CMIP: variants seen among roughly 807,000 people sequenced by gnomAD.
The protein encoded by CMIP is c-Maf inducing protein, also known as C-Maf-inducing protein.
In CMIP, 13 loss-of-function variants were observed where a neutral mutation model predicts 97.3. The observed-to-expected ratio is 0.13, with a 90% CI of 0.09 to 0.21. The LOEUF (loss-of-function observed/expected upper bound fraction) is 0.21, where lower values mean the gene tolerates loss of function less well. Among genes scored for constraint, CMIP ranks in the 10% least tolerant of loss-of-function variants. The pLI is 1.00. For missense variants in CMIP, 847 were observed against 1,024.9 expected (o/e 0.83, Z 2.37); for synonymous variants, 538 against 436.3 (o/e 1.23, Z -2.91).
At chr16:81,564,572 G>A (rs1424770717) in intron 1 of CMIP, among the ~76,000 whole-genome samples, 2 of 152,222 alleles carry the variant, frequency 1.3e-5, no homozygotes, top group Non-Finnish European at 2.9e-5. Flanking sequence ...GCAGCCGGGA[G>A]CCAGGAGTTC....
chr16:81,529,798 G>T (rs1016851330), intron 1 of CMIP, among the ~76,000 whole-genome samples: 1 of 152,188 alleles, frequency 6.6e-6, no homozygotes. Flanking sequence ...CTTGGAGAAC[G>T]GGCAAGGATA....
chr16:81,515,577 G>T (rs1049148469), intron 1 of CMIP, among the ~76,000 whole-genome samples: 30 of 152,316 alleles, frequency 2.0e-4, no homozygotes, highest in Middle Eastern at 3.4e-3. Context: ...ATCGTTAAGT[G>T]GCCATCAGGA....
intron 1 of CMIP, among the ~76,000 whole-genome samples, chr16:81,566,702 A>T (rs1597096143): frequency 6.6e-6 from 1 of 152,346 alleles, no homozygotes; most frequent in African/African-American, 2.4e-5. Context: ...CATAAACAAG[A>T]ATATTCAGAG....
At chr16:81,669,211 A>G (rs1276985209) in intron 7 of CMIP, among the ~76,000 whole-genome samples, 1 of 75,898 alleles carries the variant, frequency 1.3e-5, no homozygotes, top group African/African-American at 5.6e-5. Flanking sequence ...CATCTCTCAC[A>G]CTCACCTTCC....
rs369528748 is a variant in CMIP, at chr16:81,706,999, C to T, written c.2198-15C>T. The T allele has an allele frequency of 5.1e-5, 82 of 1,612,742 alleles. 2 individuals are homozygous for T. In the Middle Eastern group the frequency reaches 6.3e-3, roughly 123 times the overall value. ...GGCCTCGCTCTCCTAACAACTGTAT[C>T]TGTCTCTTGTGCAGCCATGAAGAGT... is the stretch of plus-strand genomic sequence containing the variant. On this transcript the variant is annotated splice_polypyrimidine_tract_variant and intron_variant, in intron 19 of 20. Coordinates refer to ENST00000537098, the MANE Select transcript of CMIP (RefSeq NM_198390.3).
At chr16:81,552,139 G>A (rs2090671609) in intron 1 of CMIP, among the ~76,000 whole-genome samples, 1 of 152,144 alleles carries the variant, frequency 6.6e-6, no homozygotes, top group African/African-American at 2.4e-5. Flanking sequence ...TTGTGTAGCG[G>A]TGGCCTGGCT....
chr16:81,670,326 G>A, intron 8 of CMIP, 81 bp downstream of exon 8: 1 of 1,422,936 alleles, frequency 7.0e-7, no homozygotes, highest in Non-Finnish European at 9.6e-7. Flanking sequence ...ATCCACGGGG[G>A]GCTGTCGTGT....
At chr16:81,610,519 C>A in intron 2 of CMIP, 1 of 985,564 alleles carries the variant, frequency 1.0e-6, no homozygotes, top group Non-Finnish European at 1.2e-6. Context: ...GCCTCCCAAC[C>A]CTTCCCCCAA....
rs2089300894 is a variant in CMIP at position 81,485,521 on chromosome 16, G to A, written c.300+39980G>A. Among the ~76,000 whole-genome samples the A allele has an allele frequency of 2.0e-5, 3 of 152,224 alleles. No homozygotes were observed. In the South Asian group the frequency reaches 6.2e-4, roughly 31 times the overall value. Reference sequence around the variant, plus strand: ...CCCAGGTGATTCTACAGTGTGGCCTGGGTGGAGAATTCCCATTCGGAAGAC... The same window carrying A: ...CCCAGGTGATTCTACAGTGTGGCCTAGGTGGAGAATTCCCATTCGGAAGAC... On this transcript the variant is annotated intron_variant, in intron 1 of 20. Transcript: ENST00000537098.
intron 1 of CMIP, among the ~76,000 whole-genome samples, chr16:81,454,063 G>T (rs773158148): frequency 3.2e-4 from 49 of 152,228 alleles, no homozygotes; most frequent in Non-Finnish European, 5.9e-4. Context: ...AAATTCACAT[G>T]ACCGTGATCT....
intron 1 of CMIP, among the ~76,000 whole-genome samples, chr16:81,590,442 C>T (rs1373617718): frequency 6.6e-6 from 1 of 152,220 alleles, no homozygotes; most frequent in Non-Finnish European, 1.5e-5. Flanking sequence ...GGGGTCCTGG[C>T]AGCTCACTTC....
At position 81,655,543 on chromosome 16, in the gene CMIP, C is replaced by T. The variant is rs1386355486; in HGVS notation, c.640-2232C>T. On this transcript the variant is annotated intron_variant, in intron 4 of 20. Transcript: ENST00000537098. The surrounding 1 kb of genome is among the most constrained non-coding windows in gnomAD (Gnocchi z 4.9). ...TGCTCTACCAGGGGTGGAAAATGGC[C>T]CTGGGGGAGAGAAGGCTCCCTGTAG... Among the ~76,000 whole-genome samples, 2 of 152,032 alleles carry T rather than the reference C, an allele frequency of 1.3e-5. No individual in the cohort carries two copies. The highest frequency in any genetic ancestry group is 2.9e-5 in the Non-Finnish European group (2 of 68,004).
intron 1 of CMIP, among the ~76,000 whole-genome samples, chr16:81,514,036 A>G (rs900804927): frequency 7.9e-6 from 1 of 126,426 alleles, no homozygotes; most frequent in African/African-American, 3.4e-5. Flanking sequence ...GAAAAACAAC[A>G]AAAACAAAAC....
intron 1 of CMIP, among the ~76,000 whole-genome samples, chr16:81,477,884 G>A (rs1597461816): frequency 6.6e-6 from 1 of 152,378 alleles, no homozygotes; most frequent in South Asian, 2.1e-4. Context: ...TTAGCAGAAA[G>A]TGGGAGTGGC....
intron 1 of CMIP, among the ~76,000 whole-genome samples, chr16:81,572,498 G>A (rs1227499107): frequency 6.6e-6 from 1 of 152,252 alleles, no homozygotes; most frequent in Non-Finnish European, 1.5e-5. Context: ...GACGGGGCCA[G>A]TGTTCTTGGA....
At chr16:81,603,362 G>T in intron 1 of CMIP, 1 of 454,160 alleles carries the variant, frequency 2.2e-6, no homozygotes, top group East Asian at 7.0e-5. Context: ...GATTACAGGC[G>T]TGAGCCACCG....
At chr16:81,636,334 G>A (rs1412062137) in intron 3 of CMIP, among the ~76,000 whole-genome samples, 1 of 152,172 alleles carries the variant, frequency 6.6e-6, no homozygotes, top group Non-Finnish European at 1.5e-5. Context: ...TGTAATCCCA[G>A]CACTTTGGGA....
At chr16:81,671,545 C>T (rs1027117007) in intron 8 of CMIP, among the ~76,000 whole-genome samples, 1 of 152,188 alleles carries the variant, frequency 6.6e-6, no homozygotes, top group African/African-American at 2.4e-5. Flanking sequence ...CCTGAACCAC[C>T]AGGTGTGAGC....
chr16:81,500,256 G>GTCCTTCCGTCCT (rs2089573702), intron 1 of CMIP, among the ~76,000 whole-genome samples: 2 of 109,610 alleles, frequency 1.8e-5, no homozygotes, highest in African/African-American at 3.3e-5. Context: ...CCTTCCTTCC[G>GTCCTTCCGTCCT]TCCTTCCTTC....
Sources: allele counts gnomAD v4.1 joint callset (sites outside exome capture counted in the v4.1 genomes callset), GRCh38; gene constraint gnomAD v4.1.1; non-coding constraint Gnocchi (gnomAD v3.1); transcripts MANE v1.5; gene names NCBI Gene and HGNC (gene_info 2026-07-23, HGNC 2026-07-21).